BNC2: variants seen among roughly 807,000 people sequenced by gnomAD.
The protein encoded by BNC2 is zinc finger protein basonuclin-2.
Under a neutral mutation model 76.3 loss-of-function variants are expected in BNC2, and 20 were observed. The ratio of observed to expected loss-of-function variants is 0.26; its 90% CI spans 0.18 to 0.38. BNC2 has a LOEUF of 0.38. Ranked by LOEUF, BNC2 falls within the 10% of genes least tolerant of loss-of-function variation. The pLI, the probability that BNC2 is intolerant of heterozygous loss-of-function variation, is 1.00. For synonymous variants in BNC2, 582 were observed against 514.8 expected, an observed-to-expected ratio of 1.13 and a Z score of -1.77; for missense variants, 1,382 against 1,399.8, an observed-to-expected ratio of 0.99 and a Z score of 0.20.
chr9:16,518,005 T>C (rs574879364), intron 5 of BNC2, among the ~76,000 whole-genome samples: 16 of 152,306 alleles, frequency 1.1e-4, no homozygotes, highest in Admixed American at 7.8e-4. Context: ...AGACTGGTTA[T>C]TGGGCCTACC....
intron 3 of BNC2, among the ~76,000 whole-genome samples, chr9:16,674,874 C>T (rs910566788): frequency 1.3e-5 from 2 of 152,166 alleles, no homozygotes; most frequent in African/African-American, 4.8e-5. Context: ...TGGGCAATTC[C>T]ACTGTTCAGT....
intron 3 of BNC2, among the ~76,000 whole-genome samples, chr9:16,602,965 T>C (rs1226076556): frequency 6.6e-6 from 1 of 152,216 alleles, no homozygotes; most frequent in East Asian, 1.9e-4. Flanking sequence ...TCTTACTGTA[T>C]ATATTAAAAG....
At chr9:16,525,185 T>G (rs544889189) in intron 5 of BNC2, among the ~76,000 whole-genome samples, 1 of 152,146 alleles carries the variant, frequency 6.6e-6, no homozygotes, top group East Asian at 1.9e-4. Flanking sequence ...TTTTAAGGAC[T>G]TGAAGATCTT....
intron 5 of BNC2, chr9:16,473,475 T>C (rs938528333): frequency 6.6e-6 from 1 of 152,196 alleles, no homozygotes; most frequent in Non-Finnish European, 1.5e-5. Context: ...AAAATAAAAG[T>C]GTTGATCCCA....
rs1213153267 is a variant in BNC2, at chr9:16,778,945, T to C, written c.4-40460A>G. Among the ~76,000 whole-genome samples the C allele has an allele frequency of 3.3e-5, 5 of 151,992 alleles. 1 individual carries two copies. Among genetic ancestry groups the C allele is most frequent in the South Asian group, 2.1e-4 (1 of 4,828 alleles). ...AACGATATTTTTAGAAATGCTCCTT[T>C]TGCCTTCTTTTGGGGATGGCAGTGG... On this transcript the variant is annotated intron_variant, in intron 1 of 6. Coordinates refer to ENST00000380672, the MANE Select transcript of BNC2 (RefSeq NM_017637.6).
chr9:16,411,500 C>T lies in BNC2; in HGVS notation c.*7489G>A, dbSNP rs1405239582. On this transcript the variant is annotated 3_prime_UTR_variant, in exon 7 of 7. Transcript: ENST00000380672. ...GTTAAGGGGAGAAAGCTAGTATCAG[C>T]GAGCAGAACTTGTGCAATTTTGGCA... 3 of 152,546 alleles carry T rather than the reference C, an allele frequency of 2.0e-5. No individual in the cohort carries two copies. Among genetic ancestry groups the T allele is most frequent in the East Asian group, 1.9e-4 (1 of 5,206 alleles). 9.4% of individuals were successfully genotyped at this position (152,546 alleles called of 1,614,324 possible).
intron 3 of BNC2, among the ~76,000 whole-genome samples, chr9:16,595,477 C>T (rs1285043505): frequency 6.6e-6 from 1 of 152,020 alleles, no homozygotes; most frequent in Non-Finnish European, 1.5e-5. Context: ...TCAATGAAGG[C>T]ACATCTTGAT....
chr9:16,595,248 T>G (rs1428415396), intron 3 of BNC2, among the ~76,000 whole-genome samples: 1 of 152,182 alleles, frequency 6.6e-6, no homozygotes, highest in Admixed American at 6.6e-5. Context: ...TACCTTCTAT[T>G]GTACATCTAA....
chr9:16,619,872 CTCTTT>C (rs769653055), intron 3 of BNC2, among the ~76,000 whole-genome samples: 8 of 152,272 alleles, frequency 5.3e-5, no homozygotes, highest in Non-Finnish European at 8.8e-5. Flanking sequence ...AAGTGTTCTT[CTCTTT>C]TAAGTTTCCT....
At chr9:16,665,407 A>G (rs1469702426) in intron 3 of BNC2, among the ~76,000 whole-genome samples, 1 of 147,408 alleles carries the variant, frequency 6.8e-6, no homozygotes, top group African/African-American at 2.5e-5. Context: ...AGAGAGAAAG[A>G]GAGAAAAGAA....
intron 1 of BNC2, among the ~76,000 whole-genome samples, chr9:16,764,577 G>A (rs565764195): frequency 2.0e-5 from 3 of 152,094 alleles, no homozygotes; most frequent in South Asian, 4.2e-4. Flanking sequence ...CAATTTCATT[G>A]GCCCTTTTAC....
Position 16,417,227 on chromosome 9 carries a change from AAT to A in BNC2, c.*1760_*1761del, listed in dbSNP as rs1383842265. The A allele has an allele frequency of 3.9e-5, 6 of 152,516 alleles. No individual in the cohort carries two copies. Among genetic ancestry groups the A allele is most frequent in the African/African-American group, 1.4e-4 (6 of 41,444 alleles). 9.4% of individuals were successfully genotyped at this position (152,516 alleles called of 1,614,324 possible). On this transcript the variant is annotated 3_prime_UTR_variant, in exon 7 of 7. Transcript: ENST00000380672. ...TTTGGCTGCAGACTGAACTTGAGTA[AAT>A]ATCATCATTTAGTCAGTATGTTGTG...
At chr9:16,787,859 A>G (rs1164115645) in intron 1 of BNC2, among the ~76,000 whole-genome samples, 3 of 152,156 alleles carry the variant, frequency 2.0e-5, no homozygotes, top group South Asian at 2.1e-4. Flanking sequence ...CCCTTAGACA[A>G]TATTAATCAA....
chr9:16,424,463 C>A (rs1226495342), intron 6 of BNC2, among the ~76,000 whole-genome samples: 7 of 131,538 alleles, frequency 5.3e-5, no homozygotes, highest in Non-Finnish European at 1.0e-4. Context: ...TAACTGAGGC[C>A]CCACTTTGGA....
intron 5 of BNC2, among the ~76,000 whole-genome samples, chr9:16,539,672 G>GAGGGAGGAAGGAAGGAAGGGAGAAAGGA (rs1471096261): frequency 1.8e-5 from 1 of 55,906 alleles, no homozygotes; most frequent in East Asian, 4.4e-4. Context: ...GGGAGGGAGG[G>GAGGGAGGAAGGAAGGAAGGGAGAAAGGA]AGGGAGGAAG....
chr9:16,433,056 T>C (rs1820937487), intron 6 of BNC2, among the ~76,000 whole-genome samples: 1 of 152,204 alleles, frequency 6.6e-6, no homozygotes, highest in South Asian at 2.1e-4. Context: ...CAGTTCACTC[T>C]GCTGAGCTGC....
chr9:16,509,925 T>C (rs1056011288), intron 5 of BNC2, among the ~76,000 whole-genome samples: 4 of 152,200 alleles, frequency 2.6e-5, no homozygotes, highest in African/African-American at 9.6e-5. Context: ...GGTTCTAAAA[T>C]TAAGGTGACT....
At chr9:16,512,175 T>A (rs1822772689) in intron 5 of BNC2, among the ~76,000 whole-genome samples, 1 of 152,216 alleles carries the variant, frequency 6.6e-6, no homozygotes, top group Non-Finnish European at 1.5e-5. Context: ...CTTGAAGTGA[T>A]GAGGAAATGA....
intron 5 of BNC2, among the ~76,000 whole-genome samples, chr9:16,511,948 T>C (rs7041186): frequency 0.011 from 1,613 of 152,288 alleles, 26 homozygotes; most frequent in African/African-American, 0.037. Flanking sequence ...GTGCTCTCCG[T>C]AAAAATCTCA....
Sources: gnomAD v4.1 joint callset for allele counts (sites outside exome capture counted in the v4.1 genomes callset) on GRCh38, gnomAD v4.1.1 for gene constraint, MANE v1.5 for transcripts, NCBI Gene and HGNC (gene_info 2026-07-23, HGNC 2026-07-21) for gene names.